CADPS: variants seen among roughly 807,000 people sequenced by gnomAD.
The protein encoded by CADPS is calcium-dependent secretion activator 1.
CADPS carries 57 observed loss-of-function variants against 167.3 expected under a neutral mutation model. The ratio of observed to expected loss-of-function variants is 0.34; its 90% CI spans 0.28 to 0.42. The LOEUF (loss-of-function observed/expected upper bound fraction) is 0.42, where lower values mean the gene tolerates loss of function less well. Ranked by LOEUF, CADPS falls within the 20% of genes least tolerant of loss-of-function variation. The probability of loss-of-function intolerance (pLI) is 1.00; values close to 1 mark genes in which losing one functional copy is unlikely to be tolerated. For missense variants in CADPS, 1,414 were observed against 1,738.1 expected (o/e 0.81, Z 3.32); for synonymous variants, 676 against 635.3 (o/e 1.06, Z -0.96).
At chr3:62,698,631 TCTTCTC>T (rs60311717) in intron 3 of CADPS, among the ~76,000 whole-genome samples, 81,844 of 150,236 alleles carry the variant, frequency 0.54, 23,848 homozygotes, top group East Asian at 0.89. Context: ...TTGTTCTTGT[TCTTCTC>T]CTTCTCCTTC....
intron 1 of CADPS, among the ~76,000 whole-genome samples, chr3:62,778,186 T>C (rs1201200839): frequency 6.6e-6 from 1 of 152,204 alleles, no homozygotes; most frequent in Non-Finnish European, 1.5e-5. Context: ...ATGGACAAAC[T>C]ATATATTTCA....
At chr3:62,447,805 TA>T (rs956517343) in intron 26 of CADPS, among the ~76,000 whole-genome samples, 2 of 152,190 alleles carry the variant, frequency 1.3e-5, no homozygotes, top group Non-Finnish European at 2.9e-5. Context: ...TCATTTCTAC[TA>T]AAAGATTCTA....
intron 4 of CADPS, among the ~76,000 whole-genome samples, chr3:62,659,063 T>A (rs2072487691): frequency 1.3e-5 from 2 of 152,170 alleles, no homozygotes. Flanking sequence ...TGGTGCCTCT[T>A]ATTTGCAATC....
chr3:62,805,267 G>T (rs1011273389), intron 1 of CADPS, among the ~76,000 whole-genome samples: 1 of 152,164 alleles, frequency 6.6e-6, no homozygotes, highest in Non-Finnish European at 1.5e-5. Flanking sequence ...TTTCTCAAGC[G>T]CTGCTTTCTG....
At position 62,602,274 on chromosome 3, in the gene CADPS, T is replaced by TG. The variant is rs1278007442; in HGVS notation, c.1326-9527dup. Among the ~76,000 whole-genome samples the TG allele has an allele frequency of 1.3e-5, 1 of 79,912 alleles. No homozygotes were observed. Among genetic ancestry groups the TG allele is most frequent in the Non-Finnish European group, 2.5e-5 (1 of 40,170 alleles). 52.4% of individuals were successfully genotyped at this position (79,912 alleles called of 152,430 possible). Reference sequence around the variant, plus strand: ...TGCAGGTTGGTGCTGGGGTCGGGGGTGGGGGGATGTCATTAGTTGCCATGG... The same window carrying TG: ...TGCAGGTTGGTGCTGGGGTCGGGGGTGGGGGGGATGTCATTAGTTGCCATGG... On this transcript the variant is annotated intron_variant, in intron 6 of 29. Transcript: ENST00000383710. The surrounding 1 kb of genome is among the most constrained non-coding windows in gnomAD (Gnocchi z 4.4).
intron 27 of CADPS, among the ~76,000 whole-genome samples, chr3:62,443,801 T>C (rs1234179229): frequency 6.6e-6 from 1 of 152,222 alleles, no homozygotes; most frequent in African/African-American, 2.4e-5. Flanking sequence ...CTCTGGTATG[T>C]CTTCATAGTA....
intron 3 of CADPS, among the ~76,000 whole-genome samples, chr3:62,715,509 A>G (rs4688327): frequency 0.64 from 96,073 of 149,948 alleles, 31,145 homozygotes; most frequent in East Asian, 0.77. Flanking sequence ...AATGTTTTAC[A>G]TGAACCTTAG....
intron 17 of CADPS, among the ~76,000 whole-genome samples, chr3:62,508,299 C>T (rs2067054180): frequency 6.6e-6 from 1 of 151,992 alleles, no homozygotes; most frequent in Non-Finnish European, 1.5e-5. Context: ...TTGAACCTGG[C>T]TTCTTTTCTC....
intron 26 of CADPS, among the ~76,000 whole-genome samples, chr3:62,462,134 C>T (rs1398192685): frequency 6.6e-6 from 1 of 152,224 alleles, no homozygotes; most frequent in Non-Finnish European, 1.5e-5. Flanking sequence ...AGGCATCCCA[C>T]GCAAAAGCAC....
chr3:62,774,650 T>C (rs183479732), intron 1 of CADPS, among the ~76,000 whole-genome samples: 18 of 152,340 alleles, frequency 1.2e-4, no homozygotes, highest in South Asian at 2.1e-4. Flanking sequence ...TAATACCCTT[T>C]TATGAAAATA....
chr3:62,746,727 C>T (rs1341414314), intron 3 of CADPS, among the ~76,000 whole-genome samples: 18 of 152,118 alleles, frequency 1.2e-4, no homozygotes, highest in Non-Finnish European at 1.5e-5. Flanking sequence ...GGAGATTCTA[C>T]AGCTGCAAGG....
intron 3 of CADPS, among the ~76,000 whole-genome samples, chr3:62,701,606 TAAAA>T (rs5849494): frequency 1.5e-5 from 2 of 130,092 alleles, no homozygotes; most frequent in Non-Finnish European, 1.6e-5. Context: ...AGACTCAGTC[TAAAA>T]AAAAAAAAAA....
At chr3:62,704,436 G>C (rs13082233) in intron 3 of CADPS, among the ~76,000 whole-genome samples, 39 of 151,972 alleles carry the variant, frequency 2.6e-4, no homozygotes, top group Admixed American at 1.5e-3. Context: ...GCTCACATAC[G>C]ATTTAATGAT....
chr3:62,685,790 G>C (rs1358675578), intron 3 of CADPS, among the ~76,000 whole-genome samples: 1 of 151,992 alleles, frequency 6.6e-6, no homozygotes, highest in Non-Finnish European at 1.5e-5. Context: ...TAGATCCCTC[G>C]CATGTGCGGT....
intron 11 of CADPS, among the ~76,000 whole-genome samples, chr3:62,540,614 C>T (rs922115584): frequency 6.6e-6 from 1 of 152,074 alleles, no homozygotes; most frequent in Non-Finnish European, 1.5e-5. Context: ...TCTTTGGATA[C>T]CATTCAGATT....
chr3:62,680,900 T>C (rs537501432), intron 3 of CADPS, among the ~76,000 whole-genome samples: 7 of 151,962 alleles, frequency 4.6e-5, no homozygotes, highest in Non-Finnish European at 7.4e-5. Flanking sequence ...TCTGAAACCA[T>C]GTGGATTCCA....
At chr3:62,731,103 A>G (rs2077692374) in intron 3 of CADPS, among the ~76,000 whole-genome samples, 1 of 152,206 alleles carries the variant, frequency 6.6e-6, no homozygotes, top group South Asian at 2.1e-4. Context: ...GTGGGTGTTA[A>G]ATACAGTGCA....
chr3:62,702,384 A>G (rs1166608411), intron 3 of CADPS, among the ~76,000 whole-genome samples: 2 of 152,130 alleles, frequency 1.3e-5, no homozygotes, highest in African/African-American at 2.4e-5. Context: ...GCCAGTTCCA[A>G]TTCTAGGAAC....
intron 1 of CADPS, among the ~76,000 whole-genome samples, chr3:62,853,773 C>CTCA (rs1264024556): frequency 1.3e-5 from 2 of 151,870 alleles, no homozygotes; most frequent in Non-Finnish European, 2.9e-5. Flanking sequence ...CCAGCCTGGG[C>CTCA]AACATGGCAA....
Sources: gnomAD v4.1 joint callset for allele counts (sites outside exome capture counted in the v4.1 genomes callset) on GRCh38, gnomAD v4.1.1 for gene constraint, Gnocchi (gnomAD v3.1) non-coding constraint, MANE v1.5 for transcripts, NCBI Gene and HGNC (gene_info 2026-07-23, HGNC 2026-07-21) for gene names.